Variants in GALNT13 observed in about 807,000 individuals in gnomAD.
The protein encoded by GALNT13 is UDP-GalNAc:polypeptide N-acetylgalactosaminyltransferase 13.
GALNT13 carries 28 observed loss-of-function variants against 64.2 expected under a neutral mutation model. That is an observed-to-expected ratio of 0.44 (90% CI 0.32 to 0.60). The LOEUF (loss-of-function observed/expected upper bound fraction) is 0.60. Among genes scored for constraint, GALNT13 ranks in the 20% least tolerant of loss-of-function variants. GALNT13 has a pLI of 0.05. For missense variants in GALNT13, 577 were observed against 669.8 expected, an observed-to-expected ratio of 0.86 and a Z score of 1.53; for synonymous variants, 214 against 224.6, an observed-to-expected ratio of 0.95 and a Z score of 0.42.
intron 7 of GALNT13, among the ~76,000 whole-genome samples, chr2:154,249,009 A>C (rs1327122311): frequency 1.3e-5 from 2 of 152,022 alleles, no homozygotes; most frequent in Non-Finnish European, 2.9e-5. Context: ...TTTGAAACTC[A>C]TCAAGCATAT....
At chr2:153,597,493 T>A in the GALNT13 span, among the ~76,000 whole-genome samples, 1 of 152,064 alleles carries the variant, frequency 6.6e-6, no homozygotes. Context: ...TCAAAATGAA[T>A]TCTAGAACTA....
At chr2:153,901,579 G>T (rs1326867959) in intron 2 of GALNT13, among the ~76,000 whole-genome samples, 2 of 152,054 alleles carry the variant, frequency 1.3e-5, no homozygotes, top group Admixed American at 6.6e-5. Flanking sequence ...CTGTGAGTGG[G>T]ATTGTGTTCT....
intron 12 of GALNT13, among the ~76,000 whole-genome samples, chr2:154,447,597 G>A (rs1701658225): frequency 6.6e-6 from 1 of 151,868 alleles, no homozygotes; most frequent in Admixed American, 6.6e-5. Flanking sequence ...AGGAAGATTG[G>A]GGCATTTTTC....
chr2:153,724,967 A>G, the GALNT13 span, among the ~76,000 whole-genome samples: 1 of 151,604 alleles, frequency 6.6e-6, no homozygotes, highest in African/African-American at 2.4e-5. Context: ...TATATACCCA[A>G]ATGACTATAA....
the GALNT13 span, among the ~76,000 whole-genome samples, chr2:153,169,848 CAT>C: frequency 3.9e-5 from 6 of 152,164 alleles, no homozygotes; most frequent in Non-Finnish European, 5.9e-5. Context: ...TGTTTGCTGA[CAT>C]GTGTGGAAAT....
the GALNT13 span, among the ~76,000 whole-genome samples, chr2:153,162,015 GT>G: frequency 6.6e-6 from 1 of 152,180 alleles, no homozygotes; most frequent in African/African-American, 2.4e-5. Flanking sequence ...GTGGTTTGTA[GT>G]TGGTTTTTGC....
intron 4 of GALNT13, among the ~76,000 whole-genome samples, chr2:154,228,265 T>TC (rs545979739): frequency 6.6e-6 from 1 of 152,116 alleles, no homozygotes; most frequent in East Asian, 1.9e-4. Context: ...ACTTTTTTTT[T>TC]CCCCCTAAAT....
chr2:153,530,454 A>G, the GALNT13 span, among the ~76,000 whole-genome samples: 1 of 152,134 alleles, frequency 6.6e-6, no homozygotes, highest in African/African-American at 2.4e-5. Context: ...CCCCAAAGCA[A>G]TCTACAGATT....
At chr2:153,676,562 A>G in the GALNT13 span, among the ~76,000 whole-genome samples, 1 of 152,286 alleles carries the variant, frequency 6.6e-6, no homozygotes, top group East Asian at 1.9e-4. Context: ...ACACAACAGC[A>G]AAAAATGTCA....
At chr2:154,347,070 A>G (rs1415709109) in intron 9 of GALNT13, among the ~76,000 whole-genome samples, 1 of 152,142 alleles carries the variant, frequency 6.6e-6, no homozygotes, top group Non-Finnish European at 1.5e-5. Context: ...AGTTAGGGAA[A>G]ATACAATGCT....
chr2:153,669,805 A>T, the GALNT13 span, among the ~76,000 whole-genome samples: 1 of 152,176 alleles, frequency 6.6e-6, no homozygotes, highest in African/African-American at 2.4e-5. Flanking sequence ...GAGGAATGGT[A>T]TACTTCTGCC....
chr2:153,790,977 C>A, the GALNT13 span, among the ~76,000 whole-genome samples: 1 of 152,024 alleles, frequency 6.6e-6, no homozygotes, highest in African/African-American at 2.4e-5. Flanking sequence ...GGAAAGATTT[C>A]ATGATGAAGA....
intron 2 of GALNT13, among the ~76,000 whole-genome samples, chr2:153,927,385 C>T (rs1690220575): frequency 6.6e-6 from 1 of 151,926 alleles, no homozygotes; most frequent in Non-Finnish European, 1.5e-5. Flanking sequence ...TTTTCATGTG[C>T]TTGTACACAT....
At chr2:154,298,760 TATATAAA>T (rs1402355499) in intron 8 of GALNT13, among the ~76,000 whole-genome samples, 1 of 126,168 alleles carries the variant, frequency 7.9e-6, no homozygotes, top group African/African-American at 3.0e-5. Flanking sequence ...ATATATACTA[TATATAAA>T]TTATATATTT....
intron 3 of GALNT13, among the ~76,000 whole-genome samples, chr2:153,994,606 A>G (rs184925590): frequency 1.3e-3 from 204 of 152,282 alleles, no homozygotes; most frequent in Admixed American, 2.4e-3. Context: ...AATGATCGCC[A>G]TTCTAACTGG....
intron 4 of GALNT13, among the ~76,000 whole-genome samples, chr2:154,230,864 C>T (rs1688879732): frequency 6.6e-6 from 1 of 152,064 alleles, no homozygotes; most frequent in Non-Finnish European, 1.5e-5. Context: ...CCTCACAGTT[C>T]AATCCAGATA....
chr2:153,240,861 G>A, the GALNT13 span, among the ~76,000 whole-genome samples: 1 of 151,914 alleles, frequency 6.6e-6, no homozygotes, highest in Non-Finnish European at 1.5e-5. Flanking sequence ...GGGGATCTTG[G>A]GTTTTCTGTA....
intron 8 of GALNT13, among the ~76,000 whole-genome samples, chr2:154,268,227 A>G (rs888328935): frequency 2.6e-5 from 4 of 152,246 alleles, no homozygotes; most frequent in African/African-American, 4.8e-5. Context: ...TGCTTTGTCC[A>G]TACAAAGAAT....
At chr2:153,975,733 G>A (rs1694034803) in intron 3 of GALNT13, among the ~76,000 whole-genome samples, 1 of 152,014 alleles carries the variant, frequency 6.6e-6, no homozygotes, top group African/African-American at 2.4e-5. Context: ...AGGATAAGTG[G>A]GGAGATGATG....
Sources: allele counts gnomAD v4.1 joint callset (sites outside exome capture counted in the v4.1 genomes callset), GRCh38; gene constraint gnomAD v4.1.1; transcripts MANE v1.5; gene names NCBI Gene and HGNC (gene_info 2026-07-23, HGNC 2026-07-21).